Variants in RERE observed in about 807,000 individuals in gnomAD.
The protein encoded by RERE is arginine-glutamic acid dipeptide repeats protein.
Under a neutral mutation model 146.1 loss-of-function variants are expected in RERE, and 40 were observed. The observed-to-expected ratio is 0.27, with a 90% CI of 0.21 to 0.36. The LOEUF is 0.36. Ranked by LOEUF, RERE falls within the 10% of genes least tolerant of loss-of-function variation. The probability of loss-of-function intolerance (pLI) is 1.00; values close to 1 mark genes in which losing one functional copy is unlikely to be tolerated. For missense variants in RERE, 1,933 were observed against 2,138.7 expected (o/e 0.90, Z 1.90); for synonymous variants, 1,003 against 866.0 (o/e 1.16, Z -2.78).
chr1:8,471,517 CTT>C (rs35144697), intron 10 of RERE, among the ~76,000 whole-genome samples: 15 of 132,308 alleles, frequency 1.1e-4, no homozygotes, highest in Non-Finnish European at 1.1e-4. Flanking sequence ...CCCGGGGTTG[CTT>C]TTTTTTTTTT....
At chr1:8,399,905 T>G (rs902201266) in intron 12 of RERE, among the ~76,000 whole-genome samples, 8 of 152,106 alleles carry the variant, frequency 5.3e-5, no homozygotes, top group African/African-American at 1.9e-4. Context: ...AGCATTTTTT[T>G]TTTTAAGAGA....
Position 8,361,328 on chromosome 1 carries a change from A to T in RERE, c.2179T>A (p.Ser727Thr). ...SPQDNESDSD[S>T]SAQQQMLQAQ... is the part of the protein sequence containing the mutation. ...TGCAGCATCTGCTGCTGGGCTGACG[A>T]GTCCGAGTCACTCTCATTGTCCTGG... is the stretch of plus-strand genomic sequence containing the variant. The change falls in exon 18 of 23, where the codon TCG (serine) becomes ACG (threonine). Residue 727 changes from serine (S) to threonine (T), a missense_variant. Physicochemically the swap from Ser to Thr is moderately conservative, Grantham distance 58 (BLOSUM62 1). Transcript: ENST00000400908. The T allele has an allele frequency of 6.2e-7, 1 of 1,612,772 alleles. No homozygotes were observed. The highest frequency in any genetic ancestry group is 8.5e-7 in the Non-Finnish European group (1 of 1,179,248).
Position 8,767,616 on chromosome 1 carries a change from A to G in RERE, c.-145+49544T>C, listed in dbSNP as rs566663630. Among the ~76,000 whole-genome samples, 4 of 151,586 alleles carry G rather than the reference A, an allele frequency of 2.6e-5. 1 individual carries two copies. The South Asian group carries it at 6.2e-4, about 24-fold the overall frequency. ...TGAGGCCTTGTCTCAAAAAAAAAAA[A>G]AGAGAAAGAAAAAAAATGCTGCTTA... On this transcript the variant is annotated intron_variant, in intron 1 of 22. Coordinates refer to ENST00000400908, the MANE Select transcript of RERE (RefSeq NM_001042681.2).
intron 4 of RERE, 72 bp from the exon 5 acceptor site, chr1:8,557,595 CA>C: frequency 1.1e-6 from 1 of 941,182 alleles, no homozygotes; most frequent in Non-Finnish European, 1.7e-6. Flanking sequence ...TACCCATGAC[CA>C]AAAGCCCCTG....
intron 11 of RERE, among the ~76,000 whole-genome samples, chr1:8,453,543 C>T (rs1281078100): frequency 6.6e-6 from 1 of 152,308 alleles, no homozygotes; most frequent in East Asian, 1.9e-4. Context: ...TGGCGGCTCA[C>T]ACCTGTAATC....
chr1:8,362,756 C>T lies in RERE; in HGVS notation c.1829G>A (p.Gly610Asp), dbSNP rs2124372297. The T allele has an allele frequency of 6.2e-7, 1 of 1,614,222 alleles. No homozygotes were observed. The highest frequency in any genetic ancestry group is 8.5e-7 in the Non-Finnish European group (1 of 1,180,050). ...SPINEDIRSS[G>D]RNSPSAASTS... The stretch of plus-strand genomic sequence containing the variant: ...ACTGGCAGCGCTGGGGGAGTTCCGG[C>T]CGCTGGAGCGGATGTCTTCATTGAT... The change falls in exon 16 of 23, where the codon GGC (glycine) becomes GAC (aspartate). Residue 610 changes from glycine to aspartate, a missense_variant. Around this residue, in one of 11 missense-constraint regions of RERE, gnomAD observed 1,255 missense variants for 1,153.8 expected, o/e 1.09. Transcript: ENST00000400908.
intron 4 of RERE, among the ~76,000 whole-genome samples, chr1:8,614,332 T>G (rs1004022858): frequency 1.3e-5 from 2 of 152,116 alleles, no homozygotes; most frequent in Non-Finnish European, 2.9e-5. Context: ...TGCTCTCTGC[T>G]GGTGCCAAAA....
At chr1:8,807,241 C>T (rs756923530) in intron 1 of RERE, among the ~76,000 whole-genome samples, 16 of 152,002 alleles carry the variant, frequency 1.1e-4, no homozygotes, top group South Asian at 8.3e-4. Flanking sequence ...TTTGCAGAGA[C>T]GGGGGTCTTG....
At chr1:8,420,723 T>A (rs1202467692) in intron 12 of RERE, among the ~76,000 whole-genome samples, 1 of 152,050 alleles carries the variant, frequency 6.6e-6, no homozygotes, top group Non-Finnish European at 1.5e-5. Flanking sequence ...ACTTTGGAAA[T>A]AGGAAAACTG....
At chr1:8,529,596 G>A (rs1198895085) in intron 7 of RERE, among the ~76,000 whole-genome samples, 9 of 151,464 alleles carry the variant, frequency 5.9e-5, no homozygotes, top group Non-Finnish European at 1.0e-4. Context: ...CACCACGCCC[G>A]GCCACAACCA....
chr1:8,691,145 C>T (rs976450643), intron 1 of RERE, among the ~76,000 whole-genome samples: 1 of 152,164 alleles, frequency 6.6e-6, no homozygotes, highest in African/African-American at 2.4e-5. Flanking sequence ...ATCTGCCCGC[C>T]TCCACCTCCC....
chr1:8,559,299 A>AAAAAAAAAAAAAAAAC (rs1646047893), intron 4 of RERE, among the ~76,000 whole-genome samples: 1 of 145,408 alleles, frequency 6.9e-6, no homozygotes, highest in Non-Finnish European at 1.5e-5. Context: ...AAAAAAAAAA[A>AAAAAAAAAAAAAAAAC]AAAAACAGAA....
At chr1:8,564,311 C>T (rs1184033293) in intron 4 of RERE, among the ~76,000 whole-genome samples, 3 of 152,162 alleles carry the variant, frequency 2.0e-5, no homozygotes, top group Non-Finnish European at 4.4e-5. Context: ...TTTGGGTATA[C>T]ATAATGAGAT....
intron 6 of RERE, among the ~76,000 whole-genome samples, chr1:8,544,405 C>T (rs1309612479): frequency 6.6e-6 from 1 of 152,020 alleles, no homozygotes; most frequent in East Asian, 1.9e-4. Context: ...TGTGCAGCAA[C>T]AGGGAAATAA....
At chr1:8,365,744 C>T in intron 13 of RERE, 68 bp downstream of exon 13, 1 of 1,569,100 alleles carries the variant, frequency 6.4e-7, no homozygotes, top group South Asian at 1.1e-5. Context: ...CCTACGGGCC[C>T]AGAGTGGGAC....
intron 4 of RERE, among the ~76,000 whole-genome samples, chr1:8,613,784 TA>T (rs1264693133): frequency 6.6e-6 from 1 of 152,130 alleles, no homozygotes; most frequent in Non-Finnish European, 1.5e-5. Context: ...TCATTCAGAA[TA>T]ATAAATACTC....
intron 1 of RERE, among the ~76,000 whole-genome samples, chr1:8,719,440 T>A (rs1639821543): frequency 6.6e-6 from 1 of 152,160 alleles, no homozygotes; most frequent in Admixed American, 6.5e-5. Flanking sequence ...GGATCCAGGG[T>A]GTATTAGAAA....
At chr1:8,653,553 G>C (rs537712642) in intron 2 of RERE, among the ~76,000 whole-genome samples, 1 of 152,116 alleles carries the variant, frequency 6.6e-6, no homozygotes, top group African/African-American at 2.4e-5. Context: ...ATATTAGCTG[G>C]GCGCAGTGGT....
chr1:8,368,482 A>AG (rs1379812502), intron 12 of RERE, among the ~76,000 whole-genome samples: 1 of 137,894 alleles, frequency 7.3e-6, no homozygotes, highest in African/African-American at 2.5e-5. Flanking sequence ...TCAAAGAAAA[A>AG]GAAAAAAAAA....
Sources: gnomAD v4.1 joint callset for allele counts (sites outside exome capture counted in the v4.1 genomes callset) on GRCh38, gnomAD v4.1.1 for gene constraint, gnomAD v4.1.1 regional missense constraint, MANE v1.5 for transcripts, NCBI Gene and HGNC (gene_info 2026-07-23, HGNC 2026-07-21) for gene names.